Variants in MAGI2 observed in about 807,000 individuals in gnomAD.
The protein encoded by MAGI2 is membrane-associated guanylate kinase, WW and PDZ domain-containing protein 2.
A neutral mutation model predicts 133.3 loss-of-function variants in MAGI2; 35 were observed. That is an observed-to-expected ratio of 0.26 (90% CI 0.20 to 0.35). The LOEUF is 0.35. Ranked by LOEUF, MAGI2 falls within the 10% of genes least tolerant of loss-of-function variation. MAGI2 has a pLI of 1.00. For synonymous variants in MAGI2, 729 were observed against 710.6 expected, an observed-to-expected ratio of 1.03 and a Z score of -0.41; for missense variants, 1,636 against 1,863.4, an observed-to-expected ratio of 0.88 and a Z score of 2.25.
intron 1 of MAGI2, among the ~76,000 whole-genome samples, chr7:79,320,956 G>A (rs1839136440): frequency 6.6e-6 from 1 of 152,138 alleles, no homozygotes; most frequent in Non-Finnish European, 1.5e-5. Flanking sequence ...GCTGGGAGAA[G>A]GACTGAAATA....
intron 9 of MAGI2, among the ~76,000 whole-genome samples, chr7:78,315,278 G>T (rs556258259): frequency 8.5e-5 from 13 of 152,278 alleles, no homozygotes; most frequent in African/African-American, 3.1e-4. Context: ...GGCTCAGGAC[G>T]TCTGTGGGCC....
intron 1 of MAGI2, among the ~76,000 whole-genome samples, chr7:79,013,602 T>C (rs746612712): frequency 6.6e-6 from 1 of 152,188 alleles, no homozygotes; most frequent in Non-Finnish European, 1.5e-5. Context: ...TTGATTCTGC[T>C]AAGAGCCACA....
chr7:78,707,780 T>C (rs1480812755), intron 2 of MAGI2, among the ~76,000 whole-genome samples: 1 of 152,130 alleles, frequency 6.6e-6, no homozygotes, highest in Non-Finnish European at 1.5e-5. Context: ...CATACCTAGA[T>C]TTCATTACTA....
At chr7:78,340,008 G>A (rs540756098) in intron 9 of MAGI2, among the ~76,000 whole-genome samples, 4 of 152,236 alleles carry the variant, frequency 2.6e-5, no homozygotes, top group African/African-American at 4.8e-5. Context: ...AATGTCAGAT[G>A]AATACCTCAA....
At chr7:79,370,199 T>C (rs539183283) in intron 1 of MAGI2, among the ~76,000 whole-genome samples, 1 of 152,146 alleles carries the variant, frequency 6.6e-6, no homozygotes. Flanking sequence ...TATGTCCAAA[T>C]AGACATTGAA....
At chr7:78,034,189 A>G (rs1809911375) in intron 21 of MAGI2, among the ~76,000 whole-genome samples, 1 of 152,174 alleles carries the variant, frequency 6.6e-6, no homozygotes, top group Admixed American at 6.5e-5. Context: ...TTGTTATGAC[A>G]AAGTGACATG....
At chr7:78,350,552 C>A (rs1311863294) in intron 7 of MAGI2, 3 of 152,110 alleles carry the variant, frequency 2.0e-5, no homozygotes, top group African/African-American at 7.2e-5. Context: ...TATGCAGAAG[C>A]CTCTTTTTCT....
intron 4 of MAGI2, among the ~76,000 whole-genome samples, chr7:78,514,594 A>G (rs1007697539): frequency 6.6e-6 from 1 of 152,208 alleles, no homozygotes; most frequent in Non-Finnish European, 1.5e-5. Flanking sequence ...GGGTAGATAC[A>G]CAAATCGCAG....
At chr7:78,834,510 A>G (rs1791449204) in intron 2 of MAGI2, among the ~76,000 whole-genome samples, 1 of 152,198 alleles carries the variant, frequency 6.6e-6, no homozygotes, top group South Asian at 2.1e-4. Flanking sequence ...CATAGCATGT[A>G]TCAGTTTTTC....
At chr7:78,823,688 G>C (rs1461320299) in intron 2 of MAGI2, among the ~76,000 whole-genome samples, 1 of 152,042 alleles carries the variant, frequency 6.6e-6, no homozygotes, top group African/African-American at 2.4e-5. Flanking sequence ...GAAAAGGTTA[G>C]GTAGAAGAAT....
intron 1 of MAGI2, among the ~76,000 whole-genome samples, chr7:79,098,758 G>T (rs1029713527): frequency 6.6e-6 from 1 of 152,170 alleles, no homozygotes; most frequent in Admixed American, 6.5e-5. Context: ...TCAAAAATCT[G>T]TCTGGCAGCC....
chr7:78,125,502 G>T (rs1399054837), intron 20 of MAGI2, among the ~76,000 whole-genome samples, 192 bp downstream of exon 20: 1 of 152,056 alleles, frequency 6.6e-6, no homozygotes, highest in East Asian at 1.9e-4. Context: ...AAGGTCATAA[G>T]CAGAAAAATG....
At chr7:78,089,062 G>C (rs754594066) in intron 20 of MAGI2, among the ~76,000 whole-genome samples, 6 of 152,156 alleles carry the variant, frequency 3.9e-5, no homozygotes, top group Non-Finnish European at 7.3e-5. Context: ...AACGAAATGG[G>C]TTCCTACCCC....
At position 79,078,671 on chromosome 7, in the gene MAGI2, C is replaced by T. The variant is rs1186767260; in HGVS notation, c.302-71465G>A. ...AGGCTATCTAGCTAGGTCTGTGCTC[C>T]AACAACAGTATCTTGGTAATTGGAA... On this transcript the variant is annotated intron_variant, in intron 1 of 21. Coordinates refer to ENST00000354212, the MANE Select transcript of MAGI2 (RefSeq NM_012301.4). 2.0e-5 allele frequency among the ~76,000 whole-genome samples: 3 copies of T among 152,180 alleles called. No individual in the cohort carries two copies. In the East Asian group the frequency reaches 5.8e-4, roughly 29 times the overall value.
At chr7:78,768,131 C>T (rs1825217988) in intron 2 of MAGI2, among the ~76,000 whole-genome samples, 3 of 152,212 alleles carry the variant, frequency 2.0e-5, no homozygotes, top group African/African-American at 7.2e-5. Flanking sequence ...CCATCTTCTC[C>T]AAGATCCAGC....
chr7:78,478,140 T>G (rs1791976826), intron 6 of MAGI2, among the ~76,000 whole-genome samples: 1 of 151,836 alleles, frequency 6.6e-6, no homozygotes, highest in South Asian at 2.1e-4. Flanking sequence ...GTTCTCATTG[T>G]TCAACTCCCA....
chr7:78,796,947 G>C (rs914147112), intron 2 of MAGI2, among the ~76,000 whole-genome samples: 2 of 152,116 alleles, frequency 1.3e-5, no homozygotes, highest in African/African-American at 4.8e-5. Context: ...CAGAGGTAGA[G>C]AGTAGAATGG....
At chr7:79,327,605 CAA>C (rs1489479774) in intron 1 of MAGI2, among the ~76,000 whole-genome samples, 4 of 152,040 alleles carry the variant, frequency 2.6e-5, no homozygotes, top group South Asian at 2.1e-4. Flanking sequence ...CAGTTGCAGT[CAA>C]AGAGTTTTTT....
chr7:79,171,770 A>ATATATATATATATATATATATT, intron 1 of MAGI2, among the ~76,000 whole-genome samples: 1 of 31,202 alleles, frequency 3.2e-5, no homozygotes. Context: ...ATATATATAT[A>ATATATATATATATATATATATT]TTTTTTTTTT....
Sources: gnomAD v4.1 joint callset for allele counts (sites outside exome capture counted in the v4.1 genomes callset) on GRCh38, gnomAD v4.1.1 for gene constraint, MANE v1.5 for transcripts, NCBI Gene and HGNC (gene_info 2026-07-23, HGNC 2026-07-21) for gene names.